CELF2: variants seen among roughly 807,000 people sequenced by gnomAD.
CELF2 encodes CUG triplet repeat RNA-binding protein 2.
CELF2 carries 8 observed loss-of-function variants against 62.6 expected under a neutral mutation model. The ratio of observed to expected loss-of-function variants is 0.13; its 90% CI spans 0.07 to 0.23. The LOEUF is 0.23. Among genes scored for constraint, CELF2 ranks in the 10% least tolerant of loss-of-function variants. CELF2 has a pLI of 1.00. For synonymous variants in CELF2, 258 were observed against 250.0 expected (o/e 1.03, Z -0.30); for missense variants, 333 against 671.0 (o/e 0.50, Z 5.56).
At chr10:10,978,946 C>T (rs2051707535) in intron 2 of CELF2, among the ~76,000 whole-genome samples, 1 of 152,218 alleles carries the variant, frequency 6.6e-6, no homozygotes. Flanking sequence ...TGGCAGGACT[C>T]AGTTCTGTGT....
chr10:10,822,002 A>G lies in CELF2; in HGVS notation c.53+23185A>G, dbSNP rs569144647. Among the ~76,000 whole-genome samples, 105 of 152,328 alleles carry G rather than the reference A, an allele frequency of 6.9e-4. 1 individual carries two copies. Among genetic ancestry groups the G allele is most frequent in the South Asian group, 8.3e-4 (4 of 4,826 alleles). On this transcript the variant is annotated intron_variant, in intron 1 of 13. Coordinates refer to the CELF2 transcript ENST00000636488. Reference sequence around the variant, plus strand: ...GAGAAGCCTTGGGGCATCGGTGGCCAACAGGAAGTGGATGTTTTGAGCTGG... The same window carrying G: ...GAGAAGCCTTGGGGCATCGGTGGCCGACAGGAAGTGGATGTTTTGAGCTGG...
intron 1 of CELF2, among the ~76,000 whole-genome samples, chr10:11,027,474 C>G (rs892127071): frequency 1.1e-4 from 17 of 149,236 alleles, no homozygotes; most frequent in Non-Finnish European, 1.6e-4. Context: ...AGAGGCAAGT[C>G]GTTTTTTTTA....
chr10:11,249,826 T>C (rs572630520), intron 4 of CELF2, among the ~76,000 whole-genome samples: 1 of 152,310 alleles, frequency 6.6e-6, no homozygotes, highest in East Asian at 1.9e-4. Flanking sequence ...GATAGCCACA[T>C]TTCCCTCTTT....
chr10:10,680,204 A>C, the CELF2 span, among the ~76,000 whole-genome samples: 1 of 152,116 alleles, frequency 6.6e-6, no homozygotes, highest in African/African-American at 2.4e-5. Context: ...CAAATAAAAA[A>C]ATGTATATAC....
At chr10:11,225,751 A>T (rs1302929274) in intron 3 of CELF2, among the ~76,000 whole-genome samples, 2 of 152,192 alleles carry the variant, frequency 1.3e-5, no homozygotes, top group South Asian at 4.1e-4. Flanking sequence ...ATGAGGTTTC[A>T]GGATTTTTGG....
chr10:10,729,875 A>C, the CELF2 span, among the ~76,000 whole-genome samples: 1 of 152,194 alleles, frequency 6.6e-6, no homozygotes, highest in Admixed American at 6.5e-5. Flanking sequence ...TTACTCTTAC[A>C]GTGAAACCTG....
chr10:10,669,185 T>C, the CELF2 span, among the ~76,000 whole-genome samples: 3 of 152,240 alleles, frequency 2.0e-5, no homozygotes, highest in South Asian at 2.1e-4. Flanking sequence ...CCCTAGCTAA[T>C]TGACTGTTCT....
intron 1 of CELF2, among the ~76,000 whole-genome samples, chr10:11,102,451 A>G (rs1249857208): frequency 1.3e-5 from 2 of 152,244 alleles, no homozygotes; most frequent in Non-Finnish European, 1.5e-5. Context: ...ACAAATGCAT[A>G]TGCTATTGAA....
At chr10:10,485,235 G>A in the CELF2 span, among the ~76,000 whole-genome samples, 69 of 152,234 alleles carry the variant, frequency 4.5e-4, 1 homozygote, top group African/African-American at 1.5e-3. Flanking sequence ...AATGTTTAAG[G>A]CAGTGATGAG....
rs760684912 is a variant in CELF2 at position 11,224,972 on chromosome 10, C to T, written c.354+7465C>T. ...ATGGTCTGGTTTGTGCAGGGAAGCG[C>T]GCTGGACACTTACAGGAGGGCGGTG... On this transcript the variant is annotated intron_variant, in intron 3 of 12. Transcript: ENST00000633077. This position sits in a 1 kb window ranked among gnomAD's most constrained non-coding sequence, Gnocchi z 4.5. Among the ~76,000 whole-genome samples, 24 of 152,054 alleles carry T rather than the reference C, an allele frequency of 1.6e-4. No individual in the cohort carries two copies. The highest frequency in any genetic ancestry group is 5.1e-4 in the African/African-American group (21 of 41,386).
chr10:10,609,680 T>G, the CELF2 span, among the ~76,000 whole-genome samples: 1 of 152,328 alleles, frequency 6.6e-6, no homozygotes, highest in East Asian at 1.9e-4. Context: ...ATTGGCTTCC[T>G]AAGTCTCTTT....
intron 1 of CELF2, among the ~76,000 whole-genome samples, chr10:10,856,200 C>T (rs2059695954): frequency 1.3e-5 from 2 of 152,098 alleles, no homozygotes; most frequent in Admixed American, 1.3e-4. Flanking sequence ...TACTTTAATC[C>T]TGACACTAAC....
chr10:10,551,762 G>A, the CELF2 span, among the ~76,000 whole-genome samples: 1 of 152,088 alleles, frequency 6.6e-6, no homozygotes, highest in South Asian at 2.1e-4. Context: ...AAAAGGAGCA[G>A]GGTCCAGGAG....
At chr10:11,025,051 T>G (rs2058915049) in intron 1 of CELF2, among the ~76,000 whole-genome samples, 1 of 152,188 alleles carries the variant, frequency 6.6e-6, no homozygotes, top group Admixed American at 6.5e-5. Context: ...TTCTCCCAAA[T>G]TATGTCTTCC....
chr10:11,248,350 G>A (rs1022443227), intron 3 of CELF2, among the ~76,000 whole-genome samples: 23 of 152,098 alleles, frequency 1.5e-4, no homozygotes, highest in Admixed American at 7.9e-4. Flanking sequence ...TCAGGACCTC[G>A]GCCCCGCTGT....
At position 11,117,910 on chromosome 10, in the gene CELF2, T is replaced by G. The variant is rs1259435677; in HGVS notation, c.75-47576T>G. On this transcript the variant is annotated intron_variant, in intron 1 of 12. Coordinates refer to ENST00000633077, the MANE Select transcript of CELF2 (RefSeq NM_001326342.2). This position sits in a 1 kb window ranked among gnomAD's most constrained non-coding sequence, Gnocchi z 4.1. Reference sequence around the variant, plus strand: ...TCTGCGCTATCCTTTTATACATTTTTTATAAGGCAGAATGCTTTGAATGCA... The same window carrying G: ...TCTGCGCTATCCTTTTATACATTTTGTATAAGGCAGAATGCTTTGAATGCA... Among the ~76,000 whole-genome samples the G allele has an allele frequency of 6.6e-6, 1 of 152,172 alleles. No homozygotes were observed.
At chr10:10,980,903 G>A (rs553972009) in intron 2 of CELF2, among the ~76,000 whole-genome samples, 2 of 152,252 alleles carry the variant, frequency 1.3e-5, no homozygotes, top group African/African-American at 2.4e-5. Context: ...TTGCAGGCAT[G>A]AGCCACCACA....
chr10:11,081,383 AAC>A (rs2073994109), intron 1 of CELF2, among the ~76,000 whole-genome samples: 1 of 152,212 alleles, frequency 6.6e-6, no homozygotes, highest in Non-Finnish European at 1.5e-5. Context: ...ACTCAAGTTT[AAC>A]TAGCATCCAA....
intron 1 of CELF2, among the ~76,000 whole-genome samples, chr10:10,849,268 G>A (rs2059223419): frequency 6.6e-6 from 1 of 151,752 alleles, no homozygotes; most frequent in African/African-American, 2.4e-5. Flanking sequence ...AAATTAGCTG[G>A]GCATGGTAGC....
Sources: allele counts gnomAD v4.1 joint callset (sites outside exome capture counted in the v4.1 genomes callset), GRCh38; gene constraint gnomAD v4.1.1; non-coding constraint Gnocchi (gnomAD v3.1); transcripts MANE v1.5; gene names NCBI Gene and HGNC (gene_info 2026-07-23, HGNC 2026-07-21).